Variants in PCDHGA10 observed in about 807,000 individuals in gnomAD.
PCDHGA10 encodes the protein protocadherin gamma subfamily A, 10.
In PCDHGA10, 42 loss-of-function variants were observed where a neutral mutation model predicts 59.5. That is an observed-to-expected ratio of 0.71 (90% confidence interval 0.55 to 0.91). The LOEUF (loss-of-function observed/expected upper bound fraction) is 0.91, where lower values mean the gene tolerates loss of function less well. Ranked by LOEUF, PCDHGA10 falls within the 40% of genes least tolerant of loss-of-function variation. The pLI, the probability that PCDHGA10 is intolerant of heterozygous loss-of-function variation, is 0.00. For synonymous variants in PCDHGA10, 511 were observed against 517.2 expected, an observed-to-expected ratio of 0.99 and a Z score of 0.16; for missense variants, 1,111 against 1,198.2, an observed-to-expected ratio of 0.93 and a Z score of 1.07.
At chr5:141,415,871 G>T (rs2095966585) in intron 1 of PCDHGA10, 2 of 1,074,308 alleles carry the variant, frequency 1.9e-6, no homozygotes, top group South Asian at 2.3e-5. Context: ...TAGTGTTGTT[G>T]AGTACAATAT....
chr5:141,460,097 G>A (rs2098982102), intron 1 of PCDHGA10, among the ~76,000 whole-genome samples: 2 of 151,812 alleles, frequency 1.3e-5, no homozygotes, highest in African/African-American at 2.4e-5. Context: ...AATTATACAT[G>A]TAATTATATA....
In PCDHGA10 at chr5:141,510,950, C is replaced by T. The variant is rs770587030; in HGVS notation, c.2588C>T (p.Ala863Val). 1.2e-6 allele frequency: 2 copies of T among 1,614,126 alleles called. No homozygotes were observed. The highest frequency in any genetic ancestry group is 2.2e-5 in the South Asian group (2 of 91,078). ...QAMILASASE[A>V]ADGSSTLGGG... Reference sequence around the variant, plus strand: ...TGATCTTCCTCTGTCTCTGCAGAAGCTGCTGATGGGAGCTCCACCCTGGGA... The same window carrying T: ...TGATCTTCCTCTGTCTCTGCAGAAGTTGCTGATGGGAGCTCCACCCTGGGA... The change falls in exon 4 of 4, where the codon GCT (alanine) becomes GTT (valine). Residue 863 changes from alanine (A) to valine (V), a missense_variant. Physicochemically the swap from Ala to Val is moderately conservative, Grantham distance 64. Transcript: ENST00000398610.
chr5:141,499,570 A>G (rs1027373056), intron 2 of PCDHGA10, among the ~76,000 whole-genome samples: 2 of 152,200 alleles, frequency 1.3e-5, no homozygotes, highest in African/African-American at 4.8e-5. Context: ...TCCAGCTTCA[A>G]CTAATGCCTT....
intron 1 of PCDHGA10, among the ~76,000 whole-genome samples, chr5:141,438,614 A>G (rs1208036297): frequency 5.8e-5 from 2 of 34,396 alleles, no homozygotes. Context: ...ATATATATAT[A>G]TATATATATA....
intron 1 of PCDHGA10, chr5:141,420,313 C>T (rs751944742): frequency 1.6e-5 from 23 of 1,434,756 alleles, no homozygotes; most frequent in Non-Finnish European, 2.2e-5. Flanking sequence ...TTTTATATTA[C>T]AATATGCCAA....
chr5:141,496,839 A>G (rs2099771783), intron 2 of PCDHGA10, among the ~76,000 whole-genome samples: 1 of 151,484 alleles, frequency 6.6e-6, no homozygotes. Flanking sequence ...CAGAACTCAT[A>G]GGCTTCCAGA....
Position 141,511,253 on chromosome 5 carries a change from A to G in PCDHGA10, c.*80A>G. The G allele has an allele frequency of 1.3e-6, 2 of 1,568,402 alleles. No homozygotes were observed. The highest frequency in any genetic ancestry group is 1.7e-6 in the Non-Finnish European group (2 of 1,157,066). On this transcript the variant is annotated 3_prime_UTR_variant, in exon 4 of 4. Coordinates refer to ENST00000398610, the MANE Select transcript of PCDHGA10 (RefSeq NM_018913.3). ...CTCCTTACCTGCACCCAGGCCTCAG[A>G]GTTTCAGGGCTAACCCCCAGAATAC...
Position 141,427,844 on chromosome 5 carries a change from C to A in PCDHGA10, c.2436+12233C>A, listed in dbSNP as rs997069058. 6.5e-6 allele frequency: 10 copies of A among 1,550,194 alleles called. No homozygotes were observed. In the East Asian group the frequency reaches 2.2e-4, roughly 35 times the overall value. On this transcript the variant is annotated intron_variant, in intron 1 of 3. Transcript: ENST00000398610. ...TGGTCGCGCAGCGTGCCTTCGACCA[C>A]GAGCAGCTGTGCGCCTTCGAGCTCA...
rs2233607 is a variant in PCDHGA10 at position 141,490,647 on chromosome 5, G to A, written c.2437-4160G>A. The A allele has an allele frequency of 2.5e-3, 3,973 of 1,614,082 alleles. 41 individuals carry two copies. The African/African-American group carries it at 0.027, about 11-fold the overall frequency. ...CTTACATCCTAGAAAACCGGCCTCC[G>A]GGCTCCCTTCTTTGCACTGTGGCTG... is the stretch of plus-strand genomic sequence containing the variant. On this transcript the variant is annotated intron_variant, in intron 1 of 3. Transcript: ENST00000398610. The surrounding 1 kb of genome is among the most constrained non-coding windows in gnomAD (Gnocchi z 5.4).
chr5:141,476,952 T>A lies in PCDHGA10; in HGVS notation c.2437-17855T>A, dbSNP rs1463851594. On this transcript the variant is annotated intron_variant, in intron 1 of 3. Transcript: ENST00000398610. This position sits in a 1 kb window ranked among gnomAD's most constrained non-coding sequence, Gnocchi z 7.6. ...CTGGATGAAGGCCCCAACGGTGAAA[T>A]TATTTACTCCTTCGGCAGCCACAAC... 1 of 1,614,052 alleles carries A rather than the reference T, an allele frequency of 6.2e-7. No individual in the cohort carries two copies. Among genetic ancestry groups the A allele is most frequent in the Non-Finnish European group, 8.5e-7 (1 of 1,180,038 alleles).
chr5:141,465,966 C>CA (rs2099113454), intron 1 of PCDHGA10, among the ~76,000 whole-genome samples: 1 of 151,802 alleles, frequency 6.6e-6, no homozygotes, highest in Non-Finnish European at 1.5e-5. Flanking sequence ...ACTAAAAATA[C>CA]AAAAAATTAG....
intron 2 of PCDHGA10, among the ~76,000 whole-genome samples, chr5:141,504,799 C>A (rs1474096570): frequency 6.6e-6 from 1 of 151,994 alleles, no homozygotes; most frequent in African/African-American, 2.4e-5. Context: ...CCTACATCTC[C>A]CCCTAGGTAC....
At chr5:141,419,117 G>A (rs1362880648) in intron 1 of PCDHGA10, 2 of 1,613,836 alleles carry the variant, frequency 1.2e-6, no homozygotes, top group Non-Finnish European at 1.7e-6. Flanking sequence ...AGAGTACAAC[G>A]TCACCATCGC....
rs200625256 is a variant in PCDHGA10 at position 141,477,009 on chromosome 5, A to G, written c.2437-17798A>G. 7.5e-5 allele frequency: 121 copies of G among 1,614,064 alleles called. No homozygotes were observed. Among genetic ancestry groups the G allele is most frequent in the Non-Finnish European group, 9.2e-5 (109 of 1,180,028 alleles). On this transcript the variant is annotated intron_variant, in intron 1 of 3. Transcript: ENST00000398610. This position sits in a 1 kb window ranked among gnomAD's most constrained non-coding sequence, Gnocchi z 4.9. The stretch of plus-strand genomic sequence containing the variant: ...GGCGTGCGGCAACTATTCGCCTTAG[A>G]CCTTGTAACCGGGATGCTGACAATC...
At chr5:141,441,890 T>C (rs967557692) in intron 1 of PCDHGA10, 18 of 348,170 alleles carry the variant, frequency 5.2e-5, no homozygotes, top group Non-Finnish European at 7.2e-5. Flanking sequence ...GTCACCAAGG[T>C]GGTGGCTGTA....
Position 141,485,814 on chromosome 5 carries a change from C to T in PCDHGA10, c.2437-8993C>T, listed in dbSNP as rs2099619616. 7.4e-6 allele frequency: 12 copies of T among 1,613,982 alleles called. No individual in the cohort carries two copies. The East Asian group carries it at 2.2e-4, about 30-fold the overall frequency. On this transcript the variant is annotated intron_variant, in intron 1 of 3. Coordinates refer to ENST00000398610, the MANE Select transcript of PCDHGA10 (RefSeq NM_018913.3). This position sits in a 1 kb window ranked among gnomAD's most constrained non-coding sequence, Gnocchi z 5.7. ...TCGGACTACCGCCTGGTGCTGACTG[C>T]TGTCGATGGAGGGAACCCGCCGAGA...
intron 1 of PCDHGA10, chr5:141,418,432 T>A: frequency 6.2e-7 from 1 of 1,613,956 alleles, no homozygotes; most frequent in East Asian, 2.2e-5. Context: ...GTGGCAAATA[T>A]CCAGAATTAG....
intron 1 of PCDHGA10, among the ~76,000 whole-genome samples, chr5:141,450,682 T>C (rs112841569): frequency 0.042 from 6,384 of 151,996 alleles, 168 homozygotes; most frequent in Middle Eastern, 0.086. Context: ...AAACGGGGTT[T>C]TGCCATGTTG....
chr5:141,433,140 CAGGTGATTCGGTATTTTCTAAAG>C (rs2097570930), intron 1 of PCDHGA10: 1 of 1,613,948 alleles, frequency 6.2e-7, no homozygotes, highest in Non-Finnish European at 8.5e-7. Flanking sequence ...CTTTTGCTGT[CAGGTGATTCGGTATTTTCTAAAG>C]ACAGTCATGG....
Sources: allele counts gnomAD v4.1 joint callset (sites outside exome capture counted in the v4.1 genomes callset), GRCh38; gene constraint gnomAD v4.1.1; non-coding constraint Gnocchi (gnomAD v3.1); transcripts MANE v1.5; gene names NCBI Gene and HGNC (gene_info 2026-07-23, HGNC 2026-07-21).